Variants in HMGN5 observed in about 807,000 individuals in gnomAD.
HMGN5 encodes high mobility group nucleosome binding domain 5.
Under a neutral mutation model 9.5 loss-of-function variants are expected in HMGN5, and 4 were observed. The ratio of observed to expected loss-of-function variants is 0.42; its 90% CI spans 0.21 to 0.96. The LOEUF is 0.96. Ranked by LOEUF, HMGN5 falls within the 40% of genes least tolerant of loss-of-function variation. The pLI, the probability that HMGN5 is intolerant of heterozygous loss-of-function variation, is 0.30. For synonymous variants in HMGN5, 55 were observed against 57.1 expected (o/e 0.96, Z 0.16); for missense variants, 192 against 187.5 (o/e 1.02, Z -0.14).
intron 1 of HMGN5, among the ~76,000 whole-genome samples, chrX:81,157,466 C>T (rs2075386115): frequency 1.8e-5 from 2 of 111,511 alleles, no homozygotes; most frequent in Admixed American, 1.9e-4. Flanking sequence ...ATAAAAGTGT[C>T]GAAAGCGTTT....
intron 1 of HMGN5, among the ~76,000 whole-genome samples, chrX:81,143,692 C>T (rs907415469): frequency 5.3e-5 from 6 of 112,392 alleles, no homozygotes; most frequent in African/African-American, 1.9e-4. Flanking sequence ...CAGGAGATTC[C>T]CTCTGGTGCC....
chrX:81,200,457 C>T (rs2075522707), intron 1 of HMGN5, among the ~76,000 whole-genome samples: 1 of 112,232 alleles, frequency 8.9e-6, no homozygotes. Flanking sequence ...TTGGAACCAA[C>T]TCAAATGTCC....
intron 1 of HMGN5, among the ~76,000 whole-genome samples, chrX:81,162,426 C>T (rs775084265): frequency 3.4e-4 from 36 of 104,558 alleles, no homozygotes; most frequent in South Asian, 4.2e-4. Flanking sequence ...GGAAAGATGA[C>T]ACAGAAAATG....
chrX:81,167,179 G>C (rs2075413410), intron 1 of HMGN5, among the ~76,000 whole-genome samples: 1 of 110,983 alleles, frequency 9.0e-6, no homozygotes, highest in African/African-American at 3.3e-5. Flanking sequence ...AATTCCCAGA[G>C]TACATGGCAC....
chrX:81,113,968 T>C lies in HMGN5; in HGVS notation c.*681A>G, dbSNP rs1367186517. ...GGTGAATTTTACTTTATATTAATTT[T>C]ATGTCAGTGAATATTAAATATTTTC... On this transcript the variant is annotated 3_prime_UTR_variant, in exon 7 of 7. Coordinates refer to ENST00000358130, the MANE Select transcript of HMGN5 (RefSeq NM_030763.3). 1 of 112,097 alleles carries C rather than the reference T, an allele frequency of 8.9e-6. No homozygotes were observed. The highest frequency in any genetic ancestry group is 1.9e-5 in the Non-Finnish European group (1 of 53,233). 9.2% of individuals were successfully genotyped at this position (112,097 alleles called of 1,213,427 possible).
At position 81,118,720 on chromosome X, in the gene HMGN5, G is replaced by T. The variant is rs747349720; in HGVS notation, c.75+10C>A. 1 of 1,190,470 alleles carries T rather than the reference G, an allele frequency of 8.4e-7. No individual in the cohort carries two copies. Among genetic ancestry groups the T allele is most frequent in the Non-Finnish European group, 1.1e-6 (1 of 882,117 alleles). ...CAATACATGGGCTGCTTTTTGAAAA[G>T]ATTACTTACAGCAGACAACCTGGCA... On this transcript the variant is annotated intron_variant, in intron 4 of 6. Transcript: ENST00000358130.
At chrX:81,195,812 G>C (rs1038428461) in intron 1 of HMGN5, among the ~76,000 whole-genome samples, 2 of 111,937 alleles carry the variant, frequency 1.8e-5, no homozygotes, top group African/African-American at 6.5e-5. Context: ...CTATCCCTCT[G>C]CTGGAATTCT....
chrX:81,160,034 C>T (rs2075394174), intron 1 of HMGN5, among the ~76,000 whole-genome samples: 1 of 111,411 alleles, frequency 9.0e-6, no homozygotes, highest in Non-Finnish European at 1.9e-5. Context: ...TTTAATATTT[C>T]TAGTTATGAA....
At chrX:81,167,876 AT>A (rs368359651) in intron 1 of HMGN5, among the ~76,000 whole-genome samples, 104 of 108,971 alleles carry the variant, frequency 9.5e-4, no homozygotes, top group Middle Eastern at 4.7e-3. Context: ...TTAGACCTGG[AT>A]TTTTTTTTTG....
chrX:81,175,343 T>TTG lies in HMGN5; in HGVS notation c.-124+26392_-124+26393dup, dbSNP rs765266419. 8.4e-3 allele frequency among the ~76,000 whole-genome samples: 894 copies of TTG among 106,417 alleles called. 6 individuals carry two copies. Among genetic ancestry groups the TTG allele is most frequent in the South Asian group, 0.013 (32 of 2,373 alleles). 92.4% of individuals were successfully genotyped at this position (106,417 alleles called of 115,157 possible). ...GTATTTGAACACAGAACAATTCTAT[T>TTG]TGTGTGTGTGTGTGTGTGTGTATGT... On this transcript the variant is annotated intron_variant, in intron 1 of 6. Coordinates refer to ENST00000358130, the MANE Select transcript of HMGN5 (RefSeq NM_030763.3).
chrX:81,169,822 A>G (rs1418632322), intron 1 of HMGN5, among the ~76,000 whole-genome samples: 1 of 111,130 alleles, frequency 9.0e-6, no homozygotes, highest in Non-Finnish European at 1.9e-5. Flanking sequence ...TGGGAGGTCA[A>G]GGTGGGCTGA....
At chrX:81,166,251 A>C (rs1055341559) in intron 1 of HMGN5, among the ~76,000 whole-genome samples, 11 of 111,583 alleles carry the variant, frequency 9.9e-5, no homozygotes, top group African/African-American at 2.9e-4. Flanking sequence ...TAATTGACTA[A>C]TGGGATTATT....
intron 1 of HMGN5, among the ~76,000 whole-genome samples, chrX:81,147,525 A>G (rs1301951908): frequency 9.8e-5 from 11 of 111,915 alleles, no homozygotes; most frequent in African/African-American, 2.6e-4. Flanking sequence ...AGCCAATATC[A>G]TACTAAGTGG....
chrX:81,140,550 ACT>A (rs1185772432), intron 1 of HMGN5, among the ~76,000 whole-genome samples: 1 of 77,241 alleles, frequency 1.3e-5, no homozygotes, highest in Non-Finnish European at 2.5e-5. Context: ...ACAGAGCGAG[ACT>A]CTGTCTCAAA....
At chrX:81,170,919 C>T (rs996422921) in intron 1 of HMGN5, among the ~76,000 whole-genome samples, 3 of 110,594 alleles carry the variant, frequency 2.7e-5, no homozygotes, top group African/African-American at 9.9e-5. Flanking sequence ...GATTGTGACT[C>T]TCTGAGTTAT....
chrX:81,172,989 A>G (rs1444544279), intron 1 of HMGN5, among the ~76,000 whole-genome samples: 1 of 111,682 alleles, frequency 9.0e-6, no homozygotes, highest in Non-Finnish European at 1.9e-5. Context: ...TTTATAAAAA[A>G]TACAAATGAA....
intron 1 of HMGN5, among the ~76,000 whole-genome samples, chrX:81,147,041 G>T (rs1045576428): frequency 9.0e-6 from 1 of 111,360 alleles, no homozygotes; most frequent in Non-Finnish European, 1.9e-5. Flanking sequence ...AGGACCAGAC[G>T]GACTCACAGC....
At chrX:81,191,727 G>A (rs1431270481) in intron 1 of HMGN5, among the ~76,000 whole-genome samples, 1 of 111,754 alleles carries the variant, frequency 8.9e-6, no homozygotes, top group Non-Finnish European at 1.9e-5. Context: ...CCTGTTCCAG[G>A]CTAGAAATAT....
intron 1 of HMGN5, among the ~76,000 whole-genome samples, chrX:81,142,824 C>A (rs189598991): frequency 4.5e-5 from 5 of 111,409 alleles, no homozygotes; most frequent in Middle Eastern, 4.7e-3. Context: ...GAAACACACA[C>A]AATATTATAA....
Sources: allele counts gnomAD v4.1 joint callset (sites outside exome capture counted in the v4.1 genomes callset), GRCh38; gene constraint gnomAD v4.1.1; transcripts MANE v1.5; gene names NCBI Gene and HGNC (gene_info 2026-07-23, HGNC 2026-07-21).